The following INPP4B variants were observed in gnomAD, a reference collection of about 807,000 sequenced individuals.
The protein encoded by INPP4B is inositol polyphosphate 4-phosphatase type II.
In INPP4B, 55 loss-of-function variants were observed where a neutral mutation model predicts 122.5. The ratio of observed to expected loss-of-function variants is 0.45; its 90% CI spans 0.36 to 0.56. INPP4B has a LOEUF of 0.56. Ranked by LOEUF, INPP4B falls within the 20% of genes least tolerant of loss-of-function variation. The pLI is 0.00. For missense variants in INPP4B, 1,000 were observed against 1,097.7 expected (o/e 0.91, Z 1.26); for synonymous variants, 403 against 388.7 (o/e 1.04, Z -0.43).
At chr4:142,597,642 C>T (rs1739005210) in intron 2 of INPP4B, among the ~76,000 whole-genome samples, 1 of 152,118 alleles carries the variant, frequency 6.6e-6, no homozygotes, top group Admixed American at 6.6e-5. Context: ...CTGTAAGCTC[C>T]TTTCTATTTG....
chr4:142,131,318 T>G (rs896698462), intron 18 of INPP4B, among the ~76,000 whole-genome samples: 23 of 152,296 alleles, frequency 1.5e-4, no homozygotes, highest in African/African-American at 5.3e-4. Context: ...AGGTAGTGGA[T>G]ACTGAGTTGA....
chr4:142,346,041 T>C (rs971958653), intron 7 of INPP4B, among the ~76,000 whole-genome samples: 1 of 152,064 alleles, frequency 6.6e-6, no homozygotes, highest in African/African-American at 2.4e-5. Context: ...CATGCATATA[T>C]AGTCACAACA....
At chr4:142,320,865 CATTG>C (rs1420974814) in intron 7 of INPP4B, among the ~76,000 whole-genome samples, 4 of 152,158 alleles carry the variant, frequency 2.6e-5, no homozygotes, top group African/African-American at 9.7e-5. Flanking sequence ...TTTATCTACT[CATTG>C]ATTGATGGGC....
At chr4:142,063,168 T>C (rs1478867926) in intron 25 of INPP4B, among the ~76,000 whole-genome samples, 1 of 152,186 alleles carries the variant, frequency 6.6e-6, no homozygotes, top group Non-Finnish European at 1.5e-5. Context: ...AGTCAATATC[T>C]ATGAGGAGTG....
At chr4:142,777,783 G>C (rs913129471) in intron 1 of INPP4B, among the ~76,000 whole-genome samples, 6 of 152,180 alleles carry the variant, frequency 3.9e-5, no homozygotes, top group Non-Finnish European at 7.4e-5. Flanking sequence ...AGTTCTGGCT[G>C]TGTCTGCCCT....
chr4:142,070,344 A>G (rs1766438694), intron 25 of INPP4B, among the ~76,000 whole-genome samples: 1 of 152,190 alleles, frequency 6.6e-6, no homozygotes, highest in African/African-American at 2.4e-5. Flanking sequence ...TCTCAAAATA[A>G]TAGCAGCTAT....
At chr4:142,842,408 G>C (rs1783601365) in intron 1 of INPP4B, among the ~76,000 whole-genome samples, 1 of 149,636 alleles carries the variant, frequency 6.7e-6, no homozygotes, top group Admixed American at 6.7e-5. Context: ...CTAAAGTTCT[G>C]GCTCCTAGAT....
intron 2 of INPP4B, among the ~76,000 whole-genome samples, chr4:142,585,192 C>T (rs1001238930): frequency 3.3e-5 from 5 of 152,152 alleles, no homozygotes; most frequent in Non-Finnish European, 5.9e-5. Flanking sequence ...TGTCTTAGCC[C>T]TAGACTCCAG....
chr4:142,109,231 A>G (rs1391966268), intron 22 of INPP4B, among the ~76,000 whole-genome samples: 1 of 151,980 alleles, frequency 6.6e-6, no homozygotes, highest in East Asian at 1.9e-4. Context: ...AATACCACAG[A>G]ACTATGCCCC....
intron 2 of INPP4B, among the ~76,000 whole-genome samples, chr4:142,483,658 T>G (rs748155904): frequency 2.0e-5 from 3 of 152,152 alleles, no homozygotes; most frequent in Non-Finnish European, 4.4e-5. Flanking sequence ...GAAGATGCCT[T>G]ATCTGAAGTG....
chr4:142,843,281 A>G (rs1035017866), intron 1 of INPP4B, among the ~76,000 whole-genome samples: 1 of 151,858 alleles, frequency 6.6e-6, no homozygotes, highest in Non-Finnish European at 1.5e-5. Context: ...TTATTTAATA[A>G]TCTCATTTCT....
intron 2 of INPP4B, among the ~76,000 whole-genome samples, chr4:142,524,224 A>G (rs1234097232): frequency 6.6e-6 from 1 of 152,160 alleles, no homozygotes; most frequent in Non-Finnish European, 1.5e-5. Flanking sequence ...ATCCTGAGGA[A>G]TCGCCGCACC....
intron 2 of INPP4B, among the ~76,000 whole-genome samples, chr4:142,688,997 C>T (rs1464734163): frequency 2.6e-5 from 4 of 152,128 alleles, no homozygotes; most frequent in South Asian, 4.1e-4. Context: ...ATCTCTGATC[C>T]GACCAATAGC....
At chr4:142,593,199 G>A (rs1304131497) in intron 2 of INPP4B, among the ~76,000 whole-genome samples, 3 of 152,006 alleles carry the variant, frequency 2.0e-5, no homozygotes, top group Non-Finnish European at 2.9e-5. Context: ...TATTTAAAAT[G>A]TGAGGCAGTA....
intron 1 of INPP4B, among the ~76,000 whole-genome samples, chr4:142,797,383 A>G (rs1413622687): frequency 1.3e-5 from 2 of 152,022 alleles, no homozygotes; most frequent in Non-Finnish European, 1.5e-5. Flanking sequence ...GCTTCCATAA[A>G]TGTCAGTCAT....
intron 18 of INPP4B, among the ~76,000 whole-genome samples, chr4:142,141,955 C>T (rs1001815927): frequency 6.6e-6 from 1 of 151,658 alleles, no homozygotes; most frequent in Non-Finnish European, 1.5e-5. Context: ...TAATCAAAAC[C>T]CTATGAAATA....
chr4:142,199,968 T>C (rs1839972227), intron 14 of INPP4B, among the ~76,000 whole-genome samples: 1 of 152,086 alleles, frequency 6.6e-6, no homozygotes, highest in African/African-American at 2.4e-5. Flanking sequence ...CTTAAACTTT[T>C]ACTCACTAAT....
At chr4:142,689,669 A>C (rs1314388545) in intron 2 of INPP4B, among the ~76,000 whole-genome samples, 7 of 152,174 alleles carry the variant, frequency 4.6e-5, no homozygotes, top group Admixed American at 4.6e-4. Context: ...TTGTTATATG[A>C]AACTTCTTAA....
intron 2 of INPP4B, among the ~76,000 whole-genome samples, chr4:142,525,050 C>T (rs766960187): frequency 4.6e-5 from 7 of 150,936 alleles, no homozygotes; most frequent in African/African-American, 1.7e-4. Flanking sequence ...TCTCAGGATA[C>T]AAAATCAATG....
Sources: gnomAD v4.1 joint callset for allele counts (sites outside exome capture counted in the v4.1 genomes callset) on GRCh38, gnomAD v4.1.1 for gene constraint, MANE v1.5 for transcripts, NCBI Gene and HGNC (gene_info 2026-07-23, HGNC 2026-07-21) for gene names.